Variants in ERBIN observed in about 807,000 individuals in gnomAD.
The protein encoded by ERBIN is erbb2 interacting protein.
A neutral mutation model predicts 158.4 loss-of-function variants in ERBIN; 60 were observed. That is an observed-to-expected ratio of 0.38 (90% CI 0.31 to 0.47). ERBIN has a LOEUF of 0.47. Among genes scored for constraint, ERBIN ranks in the 20% least tolerant of loss-of-function variants. The probability of loss-of-function intolerance (pLI) is 0.99; values close to 1 mark genes in which losing one functional copy is unlikely to be tolerated. For synonymous variants in ERBIN, 594 were observed against 557.2 expected, an observed-to-expected ratio of 1.07 and a Z score of -0.93; for missense variants, 1,610 against 1,648.0, an observed-to-expected ratio of 0.98 and a Z score of 0.40.
chr5:65,926,646 C>T lies in ERBIN; in HGVS notation c.-218C>T, dbSNP rs1424658331. 1 of 151,938 alleles carries T rather than the reference C, an allele frequency of 6.6e-6. No homozygotes were observed. The highest frequency in any genetic ancestry group is 1.5e-5 in the Non-Finnish European group (1 of 68,008). 9.4% of individuals were successfully genotyped at this position (151,938 alleles called of 1,614,324 possible). On this transcript the variant is annotated 5_prime_UTR_variant, in exon 1 of 26. Transcript: ENST00000284037. ...CCAGGAAGCCAGCCCGCACCCCAAC[C>T]CCCACCAAAGCCACCTACTCTTCTT...
intron 1 of ERBIN, among the ~76,000 whole-genome samples, chr5:65,968,343 TAA>T (rs1173162819): frequency 2.6e-5 from 4 of 152,176 alleles, no homozygotes. Flanking sequence ...GAATATCAAA[TAA>T]GATATATTTG....
chr5:65,936,404 AT>A (rs1051805744), intron 1 of ERBIN, among the ~76,000 whole-genome samples: 5 of 152,226 alleles, frequency 3.3e-5, no homozygotes, highest in African/African-American at 1.2e-4. Flanking sequence ...TGGGTGCCCT[AT>A]TAATCCCTGG....
At chr5:65,979,861 C>A (rs1750457976) in intron 1 of ERBIN, among the ~76,000 whole-genome samples, 1 of 152,012 alleles carries the variant, frequency 6.6e-6, no homozygotes, top group Non-Finnish European at 1.5e-5. Flanking sequence ...AATGTATTAT[C>A]GAATTTATAG....
chr5:65,983,214 G>C (rs1164238778), intron 1 of ERBIN, among the ~76,000 whole-genome samples: 1 of 152,074 alleles, frequency 6.6e-6, no homozygotes, highest in Non-Finnish European at 1.5e-5. Context: ...CTTTCTTCTT[G>C]ATCAGAATTA....
chr5:65,989,396 C>T (rs1426871519), intron 2 of ERBIN, among the ~76,000 whole-genome samples: 1 of 152,180 alleles, frequency 6.6e-6, no homozygotes, highest in Non-Finnish European at 1.5e-5. Context: ...TGGCACCAGG[C>T]CCACTGAATT....
intron 13 of ERBIN, among the ~76,000 whole-genome samples, chr5:66,028,025 T>C (rs537906471): frequency 6.6e-6 from 1 of 152,118 alleles, no homozygotes; most frequent in Non-Finnish European, 1.5e-5. Context: ...GTTATTCTAT[T>C]ATCCATTTTC....
At chr5:66,018,554 T>TATATA (rs1755238659) in intron 7 of ERBIN, among the ~76,000 whole-genome samples, 1 of 12,480 alleles carries the variant, frequency 8.0e-5, no homozygotes, top group Non-Finnish European at 1.7e-4. Flanking sequence ...TATTATATAT[T>TATATA]ATATAATATA....
chr5:66,055,043 T>C (rs1008245142), intron 21 of ERBIN, 92 bp downstream of exon 21: 1 of 1,438,884 alleles, frequency 6.9e-7, no homozygotes, highest in Admixed American at 2.8e-5. Context: ...TTACTGATTA[T>C]CTCTTTATAT....
intron 1 of ERBIN, among the ~76,000 whole-genome samples, chr5:65,955,898 C>T (rs1449288620): frequency 1.3e-5 from 2 of 152,226 alleles, no homozygotes; most frequent in Non-Finnish European, 2.9e-5. Flanking sequence ...CTTGTGCCAT[C>T]ATGCACCATC....
chr5:65,992,468 A>G (rs949521845), intron 2 of ERBIN, among the ~76,000 whole-genome samples: 13 of 152,184 alleles, frequency 8.5e-5, no homozygotes, highest in Non-Finnish European at 1.0e-4. Context: ...TTTTTGAAGA[A>G]GCATGTAAAT....
At chr5:66,013,986 TAAGAA>T (rs1754464951) in intron 6 of ERBIN, among the ~76,000 whole-genome samples, 2 of 152,150 alleles carry the variant, frequency 1.3e-5, no homozygotes, top group Admixed American at 6.6e-5. Context: ...TCAAAATTCT[TAAGAA>T]AAGAGAATCT....
At chr5:65,964,611 A>C (rs1011463692) in intron 1 of ERBIN, among the ~76,000 whole-genome samples, 1 of 152,210 alleles carries the variant, frequency 6.6e-6, no homozygotes, top group African/African-American at 2.4e-5. Context: ...AATGACAGCA[A>C]TAATAATAAT....
At chr5:65,940,163 C>A (rs1401427477) in intron 1 of ERBIN, among the ~76,000 whole-genome samples, 4 of 149,352 alleles carry the variant, frequency 2.7e-5, no homozygotes, top group Admixed American at 6.6e-5. Context: ...CCCGGCCGCC[C>A]ATCGTCTAAG....
chr5:66,023,282 C>T lies in ERBIN; in HGVS notation c.598-8C>T, dbSNP rs1273273867. The T allele has an allele frequency of 6.2e-7, 1 of 1,609,964 alleles. No homozygotes were observed. The highest frequency in any genetic ancestry group is 8.5e-7 in the Non-Finnish European group (1 of 1,176,980). ...AATTACTGCTATCCCCTACCCTAAT[C>T]CCAACAGCCTGAAGTACTTGAGCAA... On this transcript the variant is annotated splice_polypyrimidine_tract_variant and splice_region_variant and intron_variant, in intron 8 of 25. Coordinates refer to ENST00000284037, the MANE Select transcript of ERBIN (RefSeq NM_001253697.2).
At chr5:66,009,440 TAA>T (rs1561367579) in intron 4 of ERBIN, among the ~76,000 whole-genome samples, 36 of 152,208 alleles carry the variant, frequency 2.4e-4, no homozygotes, top group Admixed American at 6.5e-5. Context: ...TGCTGAATAG[TAA>T]CATGTACTTA....
chr5:65,957,517 G>C (rs1336049805), intron 1 of ERBIN, among the ~76,000 whole-genome samples: 1 of 152,158 alleles, frequency 6.6e-6, no homozygotes, highest in Non-Finnish European at 1.5e-5. Flanking sequence ...ACGTTTCAGA[G>C]AGCACCGGGT....
chr5:66,044,916 G>A (rs934660646), intron 17 of ERBIN, among the ~76,000 whole-genome samples: 1 of 150,562 alleles, frequency 6.6e-6, no homozygotes, highest in African/African-American at 2.4e-5. Flanking sequence ...TATACAGAAA[G>A]TTTAAAAAAA....
intron 7 of ERBIN, among the ~76,000 whole-genome samples, chr5:66,019,384 C>T (rs952450093): frequency 2.6e-5 from 4 of 152,080 alleles, no homozygotes; most frequent in African/African-American, 9.7e-5. Flanking sequence ...CTGGAGGGCA[C>T]AGTACTAAGA....
In ERBIN at chr5:66,002,346, G is replaced by A. The variant is rs1753094780; in HGVS notation, c.307+7482G>A. Among the ~76,000 whole-genome samples, 3 of 152,188 alleles carry A rather than the reference G, an allele frequency of 2.0e-5. No individual in the cohort carries two copies. The South Asian group carries it at 6.2e-4, about 32-fold the overall frequency. On this transcript the variant is annotated intron_variant, in intron 4 of 25. Coordinates refer to ENST00000284037, the MANE Select transcript of ERBIN (RefSeq NM_001253697.2). ...CTGCTATCCCAAGCCATTGCAAATA[G>A]CAACCAGTATTAGAGAAATGATCTG...
Sources: gnomAD v4.1 joint callset for allele counts (sites outside exome capture counted in the v4.1 genomes callset) on GRCh38, gnomAD v4.1.1 for gene constraint, MANE v1.5 for transcripts, NCBI Gene and HGNC (gene_info 2026-07-23, HGNC 2026-07-21) for gene names.